CBL: variants seen among roughly 807,000 people sequenced by gnomAD.
The protein encoded by CBL is Cbl proto-oncogene, also known as E3 ubiquitin-protein ligase CBL.
CBL carries 45 observed loss-of-function variants against 96.9 expected under a neutral mutation model. That is an observed-to-expected ratio of 0.46 (90% confidence interval 0.37 to 0.60). The LOEUF is 0.60. Ranked by LOEUF, CBL falls within the 20% of genes least tolerant of loss-of-function variation. The pLI is 0.00. For missense variants in CBL, 1,024 were observed against 1,143.5 expected (o/e 0.90, Z 1.51); for synonymous variants, 420 against 426.8 (o/e 0.98, Z 0.20).
intron 5 of CBL, 131 bp from the exon 6 acceptor site, chr11:119,275,861 TAAAAA>T: frequency 1.1e-6 from 1 of 931,528 alleles, no homozygotes; most frequent in South Asian, 1.4e-5. Flanking sequence ...GACTCCATCT[TAAAAA>T]AAGAAAGAAA....
intron 1 of CBL, among the ~76,000 whole-genome samples, chr11:119,225,934 G>A (rs1488172563): frequency 4.0e-5 from 6 of 151,874 alleles, no homozygotes; most frequent in African/African-American, 9.7e-5. Context: ...TCACCATGTC[G>A]GCCAGGCTGG....
chr11:119,208,302 CAT>C (rs1043205872), intron 1 of CBL, among the ~76,000 whole-genome samples: 1 of 151,956 alleles, frequency 6.6e-6, no homozygotes, highest in African/African-American at 2.4e-5. Context: ...TCGTATCAGA[CAT>C]GTGGGTGCAG....
Position 119,285,428 on chromosome 11 carries a change from T to G in CBL, c.1803T>G (p.Ser601=). The part of the protein sequence containing the change: ...LPRPIPKVPV[S]APSSSDPWTG... ...GGCCAATCCCCAAAGTACCAGTATC[T>G]GCCCCAAGTTCCAGTGATCCCTGGA... Residue 601 remains serine (S), a synonymous_variant, in exon 11 of 16, where the codon TCT becomes TCG. Transcript: ENST00000264033. 6.2e-7 allele frequency: 1 copy of G among 1,614,192 alleles called. No individual in the cohort carries two copies. Among genetic ancestry groups the G allele is most frequent in the Non-Finnish European group, 8.5e-7 (1 of 1,180,036 alleles).
intron 12 of CBL, among the ~76,000 whole-genome samples, chr11:119,296,658 A>G (rs551203203): frequency 6.6e-6 from 1 of 152,302 alleles, no homozygotes; most frequent in South Asian, 2.1e-4. Context: ...GATTAGGACT[A>G]ACCAGTATCT....
intron 1 of CBL, among the ~76,000 whole-genome samples, chr11:119,222,978 C>T (rs1178100307): frequency 1.3e-5 from 2 of 151,950 alleles, no homozygotes; most frequent in Non-Finnish European, 2.9e-5. Context: ...GAGTTTGAGA[C>T]CAGCCTGGGT....
At chr11:119,250,715 T>A (rs1329071313) in intron 2 of CBL, among the ~76,000 whole-genome samples, 1 of 152,154 alleles carries the variant, frequency 6.6e-6, no homozygotes, top group East Asian at 1.9e-4. Context: ...TTTCAGAGGC[T>A]GGAGGTGGGT....
intron 4 of CBL, among the ~76,000 whole-genome samples, chr11:119,274,244 T>C (rs1257247879): frequency 6.6e-6 from 1 of 152,212 alleles, no homozygotes; most frequent in Non-Finnish European, 1.5e-5. Context: ...CTATACCAAC[T>C]GCTTTCTTCT....
chr11:119,293,369 A>G (rs1950042778), intron 12 of CBL, among the ~76,000 whole-genome samples: 1 of 152,106 alleles, frequency 6.6e-6, no homozygotes, highest in African/African-American at 2.4e-5. Context: ...TTGCCTCCCA[A>G]AGGGCTGGGA....
chr11:119,306,083 G>C lies in CBL; in HGVS notation c.*6302G>C. The stretch of plus-strand genomic sequence containing the variant: ...CAGTGGGAAATACCAGTATTTCTTG[G>C]TTCTGGAAAGTAGCAAAAGAGTAGG... On this transcript the variant is annotated 3_prime_UTR_variant, in exon 16 of 16. Coordinates refer to ENST00000264033, the MANE Select transcript of CBL (RefSeq NM_005188.4). 2.6e-6 allele frequency: 1 copy of C among 390,856 alleles called. No homozygotes were observed. Among genetic ancestry groups the C allele is most frequent in the Non-Finnish European group, 4.5e-6 (1 of 221,594 alleles). 24.2% of individuals were successfully genotyped at this position (390,856 alleles called of 1,614,324 possible).
chr11:119,262,463 A>G (rs1290533608), intron 2 of CBL, among the ~76,000 whole-genome samples: 1 of 152,232 alleles, frequency 6.6e-6, no homozygotes, highest in Non-Finnish European at 1.5e-5. Context: ...ATAAGATGGT[A>G]ACATTAGGGG....
intron 1 of CBL, among the ~76,000 whole-genome samples, chr11:119,208,719 G>A (rs1234297998): frequency 6.6e-6 from 1 of 152,094 alleles, no homozygotes; most frequent in Non-Finnish European, 1.5e-5. Context: ...AGAGTATTCT[G>A]TATTCTTATT....
chr11:119,284,821 T>C, intron 9 of CBL, 148 bp from the exon 10 acceptor site: 5 of 908,292 alleles, frequency 5.5e-6, no homozygotes, highest in Non-Finnish European at 8.9e-6. Flanking sequence ...GGAAGTTTTT[T>C]AAGAGGGTGT....
At chr11:119,275,340 A>C (rs747829969) in intron 5 of CBL, among the ~76,000 whole-genome samples, 13 of 152,168 alleles carry the variant, frequency 8.5e-5, no homozygotes, top group Non-Finnish European at 1.8e-4. Flanking sequence ...CAGGAGGCTG[A>C]GGCAGGAGAA....
intron 11 of CBL, 45 bp from the exon 12 acceptor site, chr11:119,287,807 C>T (rs945852158): frequency 4.2e-6 from 5 of 1,191,548 alleles, no homozygotes; most frequent in African/African-American, 3.0e-5. Context: ...AGAGGCTCAG[C>T]TGTGGTAAGA....
chr11:119,294,822 T>C (rs940724013), intron 12 of CBL, among the ~76,000 whole-genome samples: 3 of 150,582 alleles, frequency 2.0e-5, no homozygotes, highest in African/African-American at 7.3e-5. Flanking sequence ...AAAGGAAATA[T>C]AGGTAAGCAA....
Position 119,300,463 on chromosome 11 carries a change from T to C in CBL, c.*682T>C. The C allele has an allele frequency of 2.5e-6, 1 of 402,520 alleles. No individual in the cohort carries two copies. Among genetic ancestry groups the C allele is most frequent in the East Asian group, 3.6e-5 (1 of 28,152 alleles). 24.9% of individuals were successfully genotyped at this position (402,520 alleles called of 1,614,324 possible). A position where few individuals can be genotyped will look rare whatever the true frequency, so the allele number is the denominator to read the frequency against. On this transcript the variant is annotated 3_prime_UTR_variant, in exon 16 of 16. Transcript: ENST00000264033. ...GCCATGGGCTTGCTATGGCCAGCCT[T>C]ACTGAGGCCAAGCAGCTTATGGGAT...
At chr11:119,252,447 A>G (rs1182837918) in intron 2 of CBL, among the ~76,000 whole-genome samples, 1 of 152,178 alleles carries the variant, frequency 6.6e-6, no homozygotes, top group East Asian at 1.9e-4. Context: ...CCACTTAGGG[A>G]AAGAAAATCT....
At chr11:119,219,406 A>G (rs1021947551) in intron 1 of CBL, among the ~76,000 whole-genome samples, 1 of 151,728 alleles carries the variant, frequency 6.6e-6, no homozygotes, top group Admixed American at 6.6e-5. Flanking sequence ...AAAGAAAGAA[A>G]TCATACTAGG....
At chr11:119,222,699 G>GTTT (rs1949420624) in intron 1 of CBL, among the ~76,000 whole-genome samples, 1 of 150,516 alleles carries the variant, frequency 6.6e-6, no homozygotes, top group Non-Finnish European at 1.5e-5. Flanking sequence ...GTTTTTTGAA[G>GTTT]GTTAACTATG....
Sources: gnomAD v4.1 joint callset for allele counts (sites outside exome capture counted in the v4.1 genomes callset) on GRCh38, gnomAD v4.1.1 for gene constraint, MANE v1.5 for transcripts, NCBI Gene and HGNC (gene_info 2026-07-23, HGNC 2026-07-21) for gene names.